Variants in UPK2 observed in about 807,000 individuals in gnomAD.
UPK2 encodes the protein uroplakin-2.
In UPK2, 19 loss-of-function variants were observed where a neutral mutation model predicts 14.8. The observed-to-expected ratio is 1.29, with a 90% CI of 0.90 to 1.89. UPK2 has a LOEUF of 1.89. Ranked by LOEUF, UPK2 falls within the 40% of genes most tolerant of loss-of-function variation. The pLI is 0.00. For missense variants in UPK2, 232 were observed against 236.0 expected (o/e 0.98, Z 0.11); for synonymous variants, 102 against 101.6 (o/e 1.00, Z -0.02).
At position 118,957,673 on chromosome 11, in the gene UPK2, G is replaced by A. The variant is rs541419395; in HGVS notation, c.418+5G>A. On this transcript the variant is annotated splice_donor_5th_base_variant and intron_variant, in intron 4 of 4. Coordinates refer to ENST00000264031, the MANE Select transcript of UPK2 (RefSeq NM_006760.4). ...TCCCAATGTCCACACTCCCTCGTAA[G>A]TAACACTCCCGCCTCCCTTTCCCAT... The A allele has an allele frequency of 1.2e-6, 2 of 1,613,952 alleles. No homozygotes were observed. Among genetic ancestry groups the A allele is most frequent in the Non-Finnish European group, 1.7e-6 (2 of 1,179,948 alleles).
At chr11:118,957,426 G>A (rs557881809) in intron 3 of UPK2, 80 bp downstream of exon 3, 2 of 1,583,232 alleles carry the variant, frequency 1.3e-6, no homozygotes, top group South Asian at 2.3e-5. Context: ...GAGATCTGGT[G>A]GGCATGAGGA....
chr11:118,957,610 A>G lies in UPK2; in HGVS notation c.360A>G (p.Leu120=), dbSNP rs200805832. The change falls in exon 4 of 5, where the codon CTA becomes CTG. Residue 120 remains leucine (L), a synonymous_variant. Coordinates refer to ENST00000264031, the MANE Select transcript of UPK2 (RefSeq NM_006760.4). ...CAAACCACAAAAGCATTTCCTACCTAGTGAAGAAGGGGACAGCCACTGAGT... is the reference window on the plus strand; with the variant it reads ...CAAACCACAAAAGCATTTCCTACCTGGTGAAGAAGGGGACAGCCACTGAGT... The part of the protein sequence containing the change: ...VPGTKFYISY[L]VKKGTATESS... The G allele has an allele frequency of 6.2e-7, 1 of 1,614,078 alleles. No homozygotes were observed. The highest frequency in any genetic ancestry group is 1.3e-5 in the African/African-American group (1 of 75,022).
At position 118,957,348 on chromosome 11, in the gene UPK2, T is replaced by A. The variant is rs1941572291; in HGVS notation, c.347+2T>A. ...CCTCGTGCCAGGAACCAAATTCTAG[T>A]AGGTACTGGGTCCAGCCTGAGGCAC... On this transcript the variant is annotated splice_donor_variant, in intron 3 of 4. Coordinates refer to ENST00000264031, the MANE Select transcript of UPK2 (RefSeq NM_006760.4). LOFTEE classifies it high-confidence loss of function. 1.9e-6 allele frequency: 3 copies of A among 1,613,426 alleles called. No homozygotes were observed. Among genetic ancestry groups the A allele is most frequent in the Admixed American group, 3.3e-5 (2 of 59,870 alleles).
At chr11:118,957,766 C>T in intron 4 of UPK2, 98 bp downstream of exon 4, 1 of 1,462,978 alleles carries the variant, frequency 6.8e-7, no homozygotes, top group East Asian at 2.4e-5. Flanking sequence ...CTGTGCCTCC[C>T]CGTGCGCCCT....
Position 118,957,308 on chromosome 11 carries a change from A to C in UPK2, c.309A>C (p.Ala103=), listed in dbSNP as rs1341144099. Residue 103 remains alanine, a synonymous_variant, in exon 3 of 5, where the codon GCA becomes GCC. Transcript: ENST00000264031. Reference sequence around the variant, plus strand: ...GCTTCACAGTCACTCGGCTCAGTGCATACCAGGTGACAAACCTCGTGCCAG... The same window carrying C: ...GCTTCACAGTCACTCGGCTCAGTGCCTACCAGGTGACAAACCTCGTGCCAG... The part of the protein sequence containing the change: ...GAGFTVTRLS[A]YQVTNLVPGT... 2 of 1,614,150 alleles carry C rather than the reference A, an allele frequency of 1.2e-6. No homozygotes were observed. The highest frequency in any genetic ancestry group is 2.2e-5 in the South Asian group (2 of 91,090).
In UPK2 at chr11:118,958,137, A is replaced by C. The variant is rs1941580001; in HGVS notation, c.459A>C (p.Thr153=). ...CCATTGGGCTGGGTATGGCCCGCAC[A>C]GGGGGCATGGTGGTCATCACGGTGC... ...MESIGLGMAR[T]GGMVVITVLL... The change falls in exon 5 of 5, where the codon ACA becomes ACC. Residue 153 remains threonine, a synonymous_variant. Coordinates refer to ENST00000264031, the MANE Select transcript of UPK2 (RefSeq NM_006760.4). This position sits in a 1 kb window ranked among gnomAD's most constrained non-coding sequence, Gnocchi z 4.6. 6.2e-7 allele frequency: 1 copy of C among 1,613,960 alleles called. No homozygotes were observed. Among genetic ancestry groups the C allele is most frequent in the Non-Finnish European group, 8.5e-7 (1 of 1,179,924 alleles).
At position 118,956,569 on chromosome 11, in the gene UPK2, C is replaced by T; in HGVS notation, c.76+143C>T. On this transcript the variant is annotated intron_variant, in intron 1 of 4. Transcript: ENST00000264031. The surrounding 1 kb of genome is among the most constrained non-coding windows in gnomAD (Gnocchi z 4.1). ...CAGTGACTGGGTATCAGACACTGGG[C>T]TCAGGGTACACTCCTGATCCTCCTC... is the stretch of plus-strand genomic sequence containing the variant. 2.7e-6 allele frequency: 2 copies of T among 750,974 alleles called. No individual in the cohort carries two copies. Among genetic ancestry groups the T allele is most frequent in the East Asian group, 2.7e-5 (1 of 37,246 alleles). 46.5% of individuals were successfully genotyped at this position (750,974 alleles called of 1,614,324 possible).
rs1011886704 is a variant in UPK2 at position 118,956,923 on chromosome 11, G to A, written c.117G>A (p.Ala39=). 8 of 1,614,114 alleles carry A rather than the reference G, an allele frequency of 5.0e-6. No individual in the cohort carries two copies. Among genetic ancestry groups the A allele is most frequent in the Middle Eastern group, 1.6e-4 (1 of 6,062 alleles). Residue 39 remains alanine (A), a synonymous_variant, in exon 2 of 5, where the codon GCG becomes GCA. Coordinates refer to ENST00000264031, the MANE Select transcript of UPK2 (RefSeq NM_006760.4). This position sits in a 1 kb window ranked among gnomAD's most constrained non-coding sequence, Gnocchi z 4.1. ...ISSLSGLLSP[A]LTESLLVALP... ...GCCTCTCTGGTCTGCTGTCCCCGGC[G>A]CTAACGGAGAGCCTGCTGGTTGCCT...
At chr11:118,957,952 G>A (rs1208463578) in intron 4 of UPK2, 145 bp from the exon 5 acceptor site, 3 of 1,150,538 alleles carry the variant, frequency 2.6e-6, no homozygotes, top group African/African-American at 3.1e-5. Flanking sequence ...CAGCTGGTTG[G>A]TTGGTTGGTT....
rs1209449151 is a variant in UPK2 at position 118,958,320 on chromosome 11, G to A, written c.*87G>A. The stretch of plus-strand genomic sequence containing the variant: ...CCACCTGCTCCCAGGCCCCAGGCCT[G>A]TGGCTCCCTTGGTGCCCTCGCCTCC... On this transcript the variant is annotated 3_prime_UTR_variant, in exon 5 of 5. Coordinates refer to ENST00000264031, the MANE Select transcript of UPK2 (RefSeq NM_006760.4). The surrounding 1 kb of genome is among the most constrained non-coding windows in gnomAD (Gnocchi z 4.6). 1.3e-5 allele frequency: 19 copies of A among 1,467,540 alleles called. No homozygotes were observed. Among genetic ancestry groups the A allele is most frequent in the African/African-American group, 9.8e-5 (7 of 71,306 alleles). 90.9% of individuals were successfully genotyped at this position (1,467,540 alleles called of 1,614,324 possible).
At chr11:118,957,812 C>T (rs1422293928) in intron 4 of UPK2, 144 bp downstream of exon 4, 2 of 973,522 alleles carry the variant, frequency 2.1e-6, no homozygotes, top group Non-Finnish European at 3.1e-6. Flanking sequence ...AGCACGGAAC[C>T]TTCGGCATGG....
Position 118,958,197 on chromosome 11 carries a change from C to T in UPK2, c.519C>T (p.Gly173=). 5 of 1,613,940 alleles carry T rather than the reference C, an allele frequency of 3.1e-6. No individual in the cohort carries two copies. The highest frequency in any genetic ancestry group is 4.2e-6 in the Non-Finnish European group (5 of 1,179,936). ...LSVAMFLLVL[G]FIIALALGSR... Reference sequence around the variant, plus strand: ...TCGCCATGTTCCTGCTGGTGCTGGGCTTCATCATTGCCCTGGCACTGGGCT... The same window carrying T: ...TCGCCATGTTCCTGCTGGTGCTGGGTTTCATCATTGCCCTGGCACTGGGCT... Residue 173 remains glycine (G), a synonymous_variant, in exon 5 of 5, where the codon GGC becomes GGT. Transcript: ENST00000264031. This position sits in a 1 kb window ranked among gnomAD's most constrained non-coding sequence, Gnocchi z 4.6.
At position 118,956,903 on chromosome 11, in the gene UPK2, T is replaced by A. The variant is rs1341336224; in HGVS notation, c.97T>A (p.Ser33Thr). The change falls in exon 2 of 5, where the codon TCT becomes ACT. Residue 33 changes from serine to threonine, a missense_variant. Transcript: ENST00000264031. This position sits in a 1 kb window ranked among gnomAD's most constrained non-coding sequence, Gnocchi z 4.1. ...ATCAGACTTCAACATCTCAAGCCTC[T>A]CTGGTCTGCTGTCCCCGGCGCTAAC... ...GAADFNISSLSGLLSPALTES... is the reference protein window; with the variant it reads ...GAADFNISSLTGLLSPALTES... 6.2e-7 allele frequency: 1 copy of A among 1,614,034 alleles called. No homozygotes were observed. Among genetic ancestry groups the A allele is most frequent in the Admixed American group, 1.7e-5 (1 of 60,012 alleles).
chr11:118,957,041 C>T, intron 2 of UPK2, 27 bp downstream of exon 2: 2 of 1,613,308 alleles, frequency 1.2e-6, no homozygotes, highest in Non-Finnish European at 1.7e-6. Flanking sequence ...CAAGGCATCC[C>T]TCTAGTCCCC....
Position 118,956,754 on chromosome 11 carries a change from T to A in UPK2, c.77-129T>A. ...CAAGCCTGCCACCTGGTGGTCATAC[T>A]GGCACAGGCCTGGCTGTTCTGCCCA... On this transcript the variant is annotated intron_variant, in intron 1 of 4. Coordinates refer to ENST00000264031, the MANE Select transcript of UPK2 (RefSeq NM_006760.4). This position sits in a 1 kb window ranked among gnomAD's most constrained non-coding sequence, Gnocchi z 4.1. 2.3e-6 allele frequency: 3 copies of A among 1,304,070 alleles called. No individual in the cohort carries two copies. Among genetic ancestry groups the A allele is most frequent in the Admixed American group, 2.3e-5 (1 of 44,322 alleles). The allele number at this position is 1,304,070 out of a possible 1,614,324, so 80.8% of individuals were successfully genotyped here. A position where few individuals can be genotyped will look rare whatever the true frequency, so the allele number is the denominator to read the frequency against.
intron 4 of UPK2, 37 bp downstream of exon 4, chr11:118,957,705 G>A (rs753690801): frequency 9.3e-6 from 15 of 1,610,800 alleles, no homozygotes; most frequent in East Asian, 2.2e-5. Flanking sequence ...CCATCTCAGC[G>A]GCCACAAACG....
At position 118,957,510 on chromosome 11, in the gene UPK2, T is replaced by G. The variant is rs1941573292; in HGVS notation, c.348-88T>G. On this transcript the variant is annotated intron_variant, in intron 3 of 4. Transcript: ENST00000264031. Reference sequence around the variant, plus strand: ...AGTGCACATAGGGGAGACACAGCTGTGAGGGTAGGTGGCCCAGGCTGGAGC... The same window carrying G: ...AGTGCACATAGGGGAGACACAGCTGGGAGGGTAGGTGGCCCAGGCTGGAGC... The G allele has an allele frequency of 3.2e-6, 5 of 1,561,744 alleles. No individual in the cohort carries two copies. In the South Asian group the frequency reaches 5.6e-5, roughly 17 times the overall value.
chr11:118,957,945 C>CTGGTTGGT (rs547782305), intron 4 of UPK2, 152 bp from the exon 5 acceptor site: 15 of 1,052,136 alleles, frequency 1.4e-5, no homozygotes, highest in East Asian at 1.0e-4. Context: ...GATCCATCAG[C>CTGGTTGGT]TGGTTGGTTG....
In UPK2 at chr11:118,957,000, C is replaced by A; in HGVS notation, c.194C>A (p.Ala65Asp). Residue 65 changes from alanine (A) to aspartate (D), a missense_variant, in exon 2 of 5, where the codon GCC (alanine) becomes GAC (aspartate). By Grantham distance (126) the Ala-to-Asp change is moderately radical. Coordinates refer to ENST00000264031, the MANE Select transcript of UPK2 (RefSeq NM_006760.4). This position sits in a 1 kb window ranked among gnomAD's most constrained non-coding sequence, Gnocchi z 4.1. Reference sequence around the variant, plus strand: ...AATGCCACACTGATGGTCCGGAGAGCCAATGACAGCAAAGGTCTGCTACCT... The same window carrying A: ...AATGCCACACTGATGGTCCGGAGAGACAATGACAGCAAAGGTCTGCTACCT... ...GGNATLMVRR[A>D]NDSKVVTSSF... 6.2e-7 allele frequency: 1 copy of A among 1,614,106 alleles called. No individual in the cohort carries two copies. Among genetic ancestry groups the A allele is most frequent in the Non-Finnish European group, 8.5e-7 (1 of 1,180,018 alleles).
Sources: allele counts gnomAD v4.1 joint callset, GRCh38; gene constraint gnomAD v4.1.1; non-coding constraint Gnocchi (gnomAD v3.1); transcripts MANE v1.5; gene names NCBI Gene and HGNC (gene_info 2026-07-23, HGNC 2026-07-21).